The following CACNA1B variants were observed in gnomAD, a reference collection of about 807,000 sequenced individuals.
CACNA1B encodes calcium voltage-gated channel subunit alpha1 B.
Under a neutral mutation model 247.2 loss-of-function variants are expected in CACNA1B, and 70 were observed. The observed-to-expected ratio is 0.28, with a 90% confidence interval of 0.23 to 0.35. The LOEUF is 0.35. CACNA1B is among the 10% of genes least tolerant of loss of function. The pLI is 1.00. For missense variants in CACNA1B, 2,367 were observed against 3,197.4 expected, an observed-to-expected ratio of 0.74 and a Z score of 6.26; for synonymous variants, 1,231 against 1,294.4, an observed-to-expected ratio of 0.95 and a Z score of 1.05.
At position 138,102,573 on chromosome 9, in the gene CACNA1B, C is replaced by T. The variant is rs1294399564; in HGVS notation, c.5223-138C>T. The T allele has an allele frequency of 3.7e-6, 2 of 537,832 alleles. No homozygotes were observed. Among genetic ancestry groups the T allele is most frequent in the Non-Finnish European group, 6.6e-6 (2 of 303,432 alleles). 33.3% of individuals were successfully genotyped at this position (537,832 alleles called of 1,614,324 possible). ...TTTTGATTTTGGGCTTTGAATCCGACACTTTGATTAACTGGCTCTGTTTTC... is the reference window on the plus strand; with the variant it reads ...TTTTGATTTTGGGCTTTGAATCCGATACTTTGATTAACTGGCTCTGTTTTC... On this transcript the variant is annotated intron_variant, in intron 37 of 46. Coordinates refer to ENST00000371372, the MANE Select transcript of CACNA1B (RefSeq NM_000718.4). This position sits in a 1 kb window ranked among gnomAD's most constrained non-coding sequence, Gnocchi z 5.4.
chr9:138,023,881 T>A, intron 19 of CACNA1B, 70 bp downstream of exon 19: 5 of 781,120 alleles, frequency 6.4e-6, no homozygotes, highest in Non-Finnish European at 8.7e-6. Context: ...CAGCGGTGGC[T>A]GCGGCCATGG....
In CACNA1B at chr9:138,121,541, A is replaced by G; in HGVS notation, c.6562A>G (p.Arg2188Gly). The G allele has an allele frequency of 1.3e-6, 2 of 1,590,368 alleles. No homozygotes were observed. Among genetic ancestry groups the G allele is most frequent in the Non-Finnish European group, 1.7e-6 (2 of 1,166,954 alleles). ...GASTPGRGGR[R>G]QLPQTPLTPR... Reference sequence around the variant, plus strand: ...TAGCACCCCCGGCCGCGGTGGGCGGAGGCAGCTCCCCCAGACGCCCCTGAC... The same window carrying G: ...TAGCACCCCCGGCCGCGGTGGGCGGGGGCAGCTCCCCCAGACGCCCCTGAC... Residue 2188 changes from arginine (R) to glycine (G), a missense_variant, in exon 47 of 47, where the codon AGG (arginine) becomes GGG (glycine). Physicochemically the swap from Arg to Gly is moderately radical, Grantham distance 125. This residue lies in a region of CACNA1B where 773 missense variants were observed against 779.4 expected (regional missense o/e 0.99). Coordinates refer to ENST00000371372, the MANE Select transcript of CACNA1B (RefSeq NM_000718.4). The surrounding 1 kb of genome is among the most constrained non-coding windows in gnomAD (Gnocchi z 6.8).
chr9:138,078,246 G>C lies in CACNA1B; in HGVS notation c.5082G>C (p.Leu1694=). The change falls in exon 36 of 47, where the codon CTG becomes CTC. Residue 1694 remains leucine (L), a synonymous_variant. Transcript: ENST00000371372. ...TCTACTTCGTCTCCTTCATCTTCCT[G>C]TGCTCCTTTCTGGTGAGTCCTGGGC... ...AYFYFVSFIF[L]CSFLMLNLFV... is the part of the protein sequence containing the mutation. 1 of 1,613,952 alleles carries C rather than the reference G, an allele frequency of 6.2e-7. No homozygotes were observed. Among genetic ancestry groups the C allele is most frequent in the Non-Finnish European group, 8.5e-7 (1 of 1,179,878 alleles).
At position 137,971,582 on chromosome 9, in the gene CACNA1B, C is replaced by T. The variant is rs201188161; in HGVS notation, c.1533C>T (p.Thr511=). Residue 511 remains threonine, a synonymous_variant, in exon 11 of 47, where the codon ACC becomes ACT. Transcript: ENST00000371372. This position sits in a 1 kb window ranked among gnomAD's most constrained non-coding sequence, Gnocchi z 4.4. ...MVHYNQPRRL[T]TTLYFAEFVF... ...ATTACAACCAGCCGCGGCGGCTTAC[C>T]ACGACCCTGTGTACGTATCCCCGTC... 1.9e-6 allele frequency: 3 copies of T among 1,612,742 alleles called. No individual in the cohort carries two copies. Among genetic ancestry groups the T allele is most frequent in the Admixed American group, 3.3e-5 (2 of 59,852 alleles).
intron 15 of CACNA1B, among the ~76,000 whole-genome samples, chr9:137,988,441 G>A (rs1176763304): frequency 1.3e-5 from 2 of 152,152 alleles, no homozygotes; most frequent in African/African-American, 2.4e-5. Context: ...GCTTTGCCAT[G>A]TGTGTTGCAA....
At chr9:137,970,587 G>C (rs1246179789) in intron 10 of CACNA1B, among the ~76,000 whole-genome samples, 1 of 152,190 alleles carries the variant, frequency 6.6e-6, no homozygotes, top group Non-Finnish European at 1.5e-5. Context: ...CACTGTCGGA[G>C]GTGAGCCGAG....
chr9:137,878,380 G>T (rs1956866490), intron 1 of CACNA1B, among the ~76,000 whole-genome samples, 163 bp downstream of exon 1: 1 of 151,988 alleles, frequency 6.6e-6, no homozygotes, highest in Admixed American at 6.5e-5. Flanking sequence ...CGGCGGGTGC[G>T]GGAGCATTTC....
intron 36 of CACNA1B, among the ~76,000 whole-genome samples, chr9:138,088,515 T>C (rs908722041): frequency 2.0e-5 from 3 of 152,082 alleles, no homozygotes; most frequent in Non-Finnish European, 2.9e-5. Context: ...TTAGTGACTA[T>C]TATGAACAAC....
intron 6 of CACNA1B, among the ~76,000 whole-genome samples, chr9:137,934,278 A>C (rs1393074068): frequency 6.6e-6 from 1 of 152,188 alleles, no homozygotes; most frequent in Middle Eastern, 3.2e-3. Flanking sequence ...CCAACTACCT[A>C]ATCCTAGTAC....
chr9:138,098,754 G>A (rs529175465), intron 37 of CACNA1B, among the ~76,000 whole-genome samples: 3 of 152,300 alleles, frequency 2.0e-5, no homozygotes, highest in Non-Finnish European at 4.4e-5. Flanking sequence ...GTAAACAACA[G>A]AATACAGGCC....
In CACNA1B at chr9:137,880,019, C is replaced by T. The variant is rs1207449094; in HGVS notation, c.390+860C>T. ...CAGGGGGTGCGGGGCCAGAGGCGTC[C>T]AGGAGACGGCCTCTCTGGGGTGTCA... On this transcript the variant is annotated intron_variant, in intron 2 of 46. Transcript: ENST00000371372. This position sits in a 1 kb window ranked among gnomAD's most constrained non-coding sequence, Gnocchi z 4.8. 1.3e-5 allele frequency among the ~76,000 whole-genome samples: 2 copies of T among 152,198 alleles called. No homozygotes were observed. Among genetic ancestry groups the T allele is most frequent in the East Asian group, 3.8e-4 (2 of 5,200 alleles).
At chr9:137,992,449 C>T (rs1442275992) in intron 15 of CACNA1B, among the ~76,000 whole-genome samples, 8 of 152,176 alleles carry the variant, frequency 5.3e-5, no homozygotes, top group African/African-American at 1.4e-4. Flanking sequence ...ACAATTACTA[C>T]TAGACCTAAG....
chr9:137,987,594 C>A (rs1046003041), intron 15 of CACNA1B, among the ~76,000 whole-genome samples: 1 of 152,196 alleles, frequency 6.6e-6, no homozygotes. Context: ...TTGCTGCAGG[C>A]CAGGGGCTTG....
At chr9:137,890,096 T>G (rs1256131760) in intron 3 of CACNA1B, 1 of 149,338 alleles carries the variant, frequency 6.7e-6, no homozygotes, top group African/African-American at 2.4e-5. Context: ...TCTCCGCGTC[T>G]CCATGTGTGC....
Position 137,891,920 on chromosome 9 carries a change from C to CT in CACNA1B, c.530+9037_530+9038insT, listed in dbSNP as rs780672595. On this transcript the variant is annotated intron_variant, in intron 3 of 46. Coordinates refer to ENST00000371372, the MANE Select transcript of CACNA1B (RefSeq NM_000718.4). This position sits in a 1 kb window ranked among gnomAD's most constrained non-coding sequence, Gnocchi z 4.3. The stretch of plus-strand genomic sequence containing the variant: ...CGACCCTGCTGTGAGCTCCTTTCTC[C>CT]AGGGCTGGGCAGGCCCTTCTAGCCA... 9 of 391,950 alleles carry CT rather than the reference C, an allele frequency of 2.3e-5. No homozygotes were observed. Among genetic ancestry groups the CT allele is most frequent in the Non-Finnish European group, 4.6e-5 (9 of 195,818 alleles). The allele number at this position is 391,950 out of a possible 1,614,324, so 24.3% of individuals were successfully genotyped here.
At chr9:137,984,065 G>C in intron 12 of CACNA1B, 73 bp from the exon 13 acceptor site, 1 of 1,086,346 alleles carries the variant, frequency 9.2e-7, no homozygotes, top group Non-Finnish European at 1.4e-6. Flanking sequence ...GCCACGCAGG[G>C]TGTGCACACA....
At position 137,888,013 on chromosome 9, in the gene CACNA1B, G is replaced by A. The variant is rs1459025605; in HGVS notation, c.530+5130G>A. ...GGGAGAGGCTGGGAGGGTGGCGGGG[G>A]CAGGGGGGCCTTGGCTCGGGCGTTG... is the stretch of plus-strand genomic sequence containing the variant. On this transcript the variant is annotated intron_variant, in intron 3 of 46. Coordinates refer to ENST00000371372, the MANE Select transcript of CACNA1B (RefSeq NM_000718.4). The surrounding 1 kb of genome is among the most constrained non-coding windows in gnomAD (Gnocchi z 4.7). 1.3e-5 allele frequency among the ~76,000 whole-genome samples: 2 copies of A among 151,868 alleles called. No individual in the cohort carries two copies. Among genetic ancestry groups the A allele is most frequent in the African/African-American group, 4.8e-5 (2 of 41,314 alleles).
In CACNA1B at chr9:138,118,037, C is replaced by T. The variant is rs200598077; in HGVS notation, c.5869C>T (p.Arg1957Cys). The change falls in exon 43 of 47, where the codon CGT becomes TGT. Residue 1957 changes from arginine to cysteine, a missense_variant. Arg to Cys is a radical substitution (Grantham distance 180, BLOSUM62 -3). Around this residue, in one of 12 missense-constraint regions of CACNA1B, gnomAD observed 773 missense variants for 779.4 expected, o/e 0.99. Coordinates refer to ENST00000371372, the MANE Select transcript of CACNA1B (RefSeq NM_000718.4). Reference protein sequence around the residue: ...APHEARPPLERGHSTEIPVGR... With the variant: ...APHEARPPLECGHSTEIPVGR... ...CCATGAGGCCAGGCCACCCCTGGAG[C>T]GTGGCCACTCCACAGAGATCCCTGT... 402 of 1,596,744 alleles carry T rather than the reference C, an allele frequency of 2.5e-4. 1 individual carries two copies. Among genetic ancestry groups the T allele is most frequent in the Non-Finnish European group, 3.1e-4 (364 of 1,171,834 alleles).
chr9:138,026,043 G>C (rs1412948933), intron 20 of CACNA1B, among the ~76,000 whole-genome samples: 3 of 152,038 alleles, frequency 2.0e-5, no homozygotes, highest in African/African-American at 4.8e-5. Context: ...TCCACACACA[G>C]ATGTGTGCAT....
Sources: gnomAD v4.1 joint callset for allele counts (sites outside exome capture counted in the v4.1 genomes callset) on GRCh38, gnomAD v4.1.1 for gene constraint, gnomAD v4.1.1 regional missense constraint, Gnocchi (gnomAD v3.1) non-coding constraint, MANE v1.5 for transcripts, NCBI Gene and HGNC (gene_info 2026-07-23, HGNC 2026-07-21) for gene names.